Variants in KBTBD7 observed in about 807,000 individuals in gnomAD.
KBTBD7 encodes the protein kelch repeat and BTB domain-containing protein 7.
Under a neutral mutation model 50.3 loss-of-function variants are expected in KBTBD7, and 25 were observed. The observed-to-expected ratio is 0.50, with a 90% CI of 0.36 to 0.69. KBTBD7 has a LOEUF of 0.69. Ranked by LOEUF, KBTBD7 falls within the 30% of genes least tolerant of loss-of-function variation. The pLI, the probability that KBTBD7 is intolerant of heterozygous loss-of-function variation, is 0.00. For missense variants in KBTBD7, 653 were observed against 869.5 expected (o/e 0.75, Z 3.13); for synonymous variants, 305 against 325.3 (o/e 0.94, Z 0.67).
rs1566246857 is a variant in KBTBD7, at chr13:41,192,499, CA to C, written c.1758del (p.Tyr586Ter). The C allele has an allele frequency of 6.2e-7, 1 of 1,614,228 alleles. No homozygotes were observed. The highest frequency in any genetic ancestry group is 8.5e-7 in the Non-Finnish European group (1 of 1,180,016). ...CACTGATCTTCCCTAGTATCATACT[CA>C]TACACTGTCACTCGGTTCTTTTTCC... ...PQWKKNRVTVYEYDTREDQWI... is the reference protein window; with the variant it reads ...PQWKKNRVTVXEYDTREDQWI... On this transcript the variant is annotated frameshift_variant, in exon 1 of 1. Transcript: ENST00000379483. LOFTEE classifies it high-confidence loss of function.
In KBTBD7 at chr13:41,191,552, C is replaced by CTTTTTTTTTTTTTT. The variant is rs1206275963; in HGVS notation, c.*637_*650dup. On this transcript the variant is annotated 3_prime_UTR_variant, in exon 1 of 1. Coordinates refer to ENST00000379483, the MANE Select transcript of KBTBD7 (RefSeq NM_032138.7). The stretch of plus-strand genomic sequence containing the variant: ...TAAAACAGTGGAATCCTGATTTTTT[C>CTTTTTTTTTTTTTT]TTTTTTTTTTTTTTTTTTTTTACTT... 1 of 50,828 alleles carries CTTTTTTTTTTTTTT rather than the reference C, an allele frequency of 2.0e-5. No individual in the cohort carries two copies. Among genetic ancestry groups the CTTTTTTTTTTTTTT allele is most frequent in the Non-Finnish European group, 6.3e-5 (1 of 15,784 alleles). The allele number at this position is 50,828 out of a possible 1,614,324, so 3.1% of individuals were successfully genotyped here.
In KBTBD7 at chr13:41,190,218, AAGTGCAGTACTT is replaced by A. The variant is rs1202011479; in HGVS notation, c.*1973_*1984del. On this transcript the variant is annotated 3_prime_UTR_variant, in exon 1 of 1. Transcript: ENST00000379483. ...CACAATTGAGAAATAGCTTTGTATT[AAGTGCAGTACTT>A]ATAACATCCCTGATGTCAAATGTAC... The A allele has an allele frequency of 6.6e-6, 1 of 152,204 alleles. No individual in the cohort carries two copies. The highest frequency in any genetic ancestry group is 1.5e-5 in the Non-Finnish European group (1 of 68,008). The allele number at this position is 152,204 out of a possible 1,614,324, so 9.4% of individuals were successfully genotyped here. A position where few individuals can be genotyped will look rare whatever the true frequency, so the allele number is the denominator to read the frequency against.
At position 41,193,395 on chromosome 13, in the gene KBTBD7, T is replaced by C; in HGVS notation, c.863A>G (p.Lys288Arg). 6.2e-7 allele frequency: 1 copy of C among 1,613,778 alleles called. No homozygotes were observed. Residue 288 changes from lysine to arginine, a missense_variant, in exon 1 of 1, where the codon AAG becomes AGG. Transcript: ENST00000379483. The surrounding 1 kb of genome is among the most constrained non-coding windows in gnomAD (Gnocchi z 5.7). ...TTCAATAACGTCCAGGCAGTACTTCTTCACGATGGGCTTGGTCAGCAGCCC... is the reference window on the plus strand; with the variant it reads ...TTCAATAACGTCCAGGCAGTACTTCCTCACGATGGGCTTGGTCAGCAGCCC... ...LEGLLTKPIVKKYCLDVIEGA... is the reference protein window; with the variant it reads ...LEGLLTKPIVRKYCLDVIEGA...
In KBTBD7 at chr13:41,193,081, G is replaced by A; in HGVS notation, c.1177C>T (p.His393Tyr). The A allele has an allele frequency of 1.9e-6, 3 of 1,614,212 alleles. No homozygotes were observed. The highest frequency in any genetic ancestry group is 1.7e-6 in the Non-Finnish European group (2 of 1,180,042). ...TSSAVCVSPD[H>Y]DIYLAAQPRK... ...GGCTGAGCAGCTAGATAGATGTCATGGTCTGGGGACACACAGACAGCTGAG... is the reference window on the plus strand; with the variant it reads ...GGCTGAGCAGCTAGATAGATGTCATAGTCTGGGGACACACAGACAGCTGAG... Residue 393 changes from histidine (H) to tyrosine (Y), a missense_variant, in exon 1 of 1, where the codon CAT becomes TAT. Coordinates refer to ENST00000379483, the MANE Select transcript of KBTBD7 (RefSeq NM_032138.7). This position sits in a 1 kb window ranked among gnomAD's most constrained non-coding sequence, Gnocchi z 5.7.
rs1431630045 is a variant in KBTBD7 at position 41,192,896 on chromosome 13, C to A, written c.1362G>T (p.Val454=). 20 of 1,614,100 alleles carry A rather than the reference C, an allele frequency of 1.2e-5. No individual in the cohort carries two copies. Among genetic ancestry groups the A allele is most frequent in the Non-Finnish European group, 1.6e-5 (19 of 1,180,056 alleles). The part of the protein sequence containing the change: ...DPITGVKLKE[V]ECYSVQRNQW... The stretch of plus-strand genomic sequence containing the variant: ...GGTTTCTCTGAACACTGTAGCATTC[C>A]ACTTCCTTCAACTTAACTCCAGTAA... Residue 454 remains valine, a synonymous_variant, in exon 1 of 1, where the codon GTG becomes GTT. Transcript: ENST00000379483.
rs2031439305 is a variant in KBTBD7, at chr13:41,193,289, G to GCTGCTA, written c.963_968dup (p.Ser323_Ser324dup). On this transcript the variant is annotated inframe_insertion, in exon 1 of 1. Coordinates refer to ENST00000379483, the MANE Select transcript of KBTBD7 (RefSeq NM_032138.7). The surrounding 1 kb of genome is among the most constrained non-coding windows in gnomAD (Gnocchi z 5.7). ...CTGCTGCAGATACAAGAGAGTTGCT[G>GCTGCTA]CTGCTACTGCTGCTGCTGCTGTTTG... The GCTGCTA allele has an allele frequency of 6.2e-7, 1 of 1,611,710 alleles. No individual in the cohort carries two copies. Among genetic ancestry groups the GCTGCTA allele is most frequent in the Middle Eastern group, 1.7e-4 (1 of 5,990 alleles).
rs2031412661 is a variant in KBTBD7 at position 41,192,369 on chromosome 13, A to G, written c.1889T>C (p.Ile630Thr). 1 of 1,614,090 alleles carries G rather than the reference A, an allele frequency of 6.2e-7. No homozygotes were observed. The highest frequency in any genetic ancestry group is 1.3e-5 in the African/African-American group (1 of 74,926). ...PSCLEPGQSF[I>T]TEEDDARSES... ...ACTCCGTGCATCATCTTCCTCAGTA[A>G]TAAAACTCTGACCAGGTTCAAGGCA... The change falls in exon 1 of 1, where the codon ATT becomes ACT. Residue 630 changes from isoleucine to threonine, a missense_variant. Transcript: ENST00000379483.
chr13:41,193,368 C>T lies in KBTBD7; in HGVS notation c.890G>A (p.Gly297Glu), dbSNP rs1057313905. The change falls in exon 1 of 1, where the codon GGG becomes GAG. Residue 297 changes from glycine to glutamate, a missense_variant. Gly to Glu is a moderately conservative substitution (Grantham distance 98, BLOSUM62 -2). Transcript: ENST00000379483. This position sits in a 1 kb window ranked among gnomAD's most constrained non-coding sequence, Gnocchi z 5.7. ...GTCACCATAGCGCATCTGCAGGGCCCCTTCAATAACGTCCAGGCAGTACTT... is the reference window on the plus strand; with the variant it reads ...GTCACCATAGCGCATCTGCAGGGCCTCTTCAATAACGTCCAGGCAGTACTT... ...VKKYCLDVIEGALQMRYGDLL... is the reference protein window; with the variant it reads ...VKKYCLDVIEEALQMRYGDLL... The T allele has an allele frequency of 6.2e-7, 1 of 1,612,428 alleles. No individual in the cohort carries two copies. The highest frequency in any genetic ancestry group is 8.5e-7 in the Non-Finnish European group (1 of 1,178,622).
chr13:41,193,030 G>A lies in KBTBD7; in HGVS notation c.1228C>T (p.Pro410Ser). 6.2e-7 allele frequency: 1 copy of A among 1,614,228 alleles called. No individual in the cohort carries two copies. Among genetic ancestry groups the A allele is most frequent in the Admixed American group, 1.7e-5 (1 of 60,034 alleles). The change falls in exon 1 of 1, where the codon CCA becomes TCA. Residue 410 changes from proline to serine, a missense_variant. This residue lies in a region of KBTBD7 where 526 missense variants were observed against 717.1 expected (regional missense o/e 0.73). Transcript: ENST00000379483. This position sits in a 1 kb window ranked among gnomAD's most constrained non-coding sequence, Gnocchi z 5.7. ...QPRKDLWVYK[P>S]AQNSWQQLAD... ...AGTTGCTGCCAACTATTCTGAGCTGGTTTATACACCCAGAGGTCTTTCCTG... is the reference window on the plus strand; with the variant it reads ...AGTTGCTGCCAACTATTCTGAGCTGATTTATACACCCAGAGGTCTTTCCTG...
Position 41,193,468 on chromosome 13 carries a change from A to T in KBTBD7, c.790T>A (p.Cys264Ser). The change falls in exon 1 of 1, where the codon TGC (cysteine) becomes AGC (serine). Residue 264 changes from cysteine (C) to serine (S), a missense_variant. By Grantham distance (112) the Cys-to-Ser change is moderately radical. Around this residue, in one of 3 missense-constraint regions of KBTBD7, gnomAD observed 526 missense variants for 717.1 expected, o/e 0.73. Coordinates refer to ENST00000379483, the MANE Select transcript of KBTBD7 (RefSeq NM_032138.7). This position sits in a 1 kb window ranked among gnomAD's most constrained non-coding sequence, Gnocchi z 5.7. ...TCAGTGAAGTGCATCCAGCGCACGC[A>T]CTTGAAGACTTCTGCAGCACTGGGA... ...RGPSAAEVFK[C>S]VRWMHFTEED... 4 of 1,614,118 alleles carry T rather than the reference A, an allele frequency of 2.5e-6. No individual in the cohort carries two copies. The highest frequency in any genetic ancestry group is 3.4e-6 in the Non-Finnish European group (4 of 1,180,026).
chr13:41,191,080 T>C lies in KBTBD7; in HGVS notation c.*1123A>G, dbSNP rs1181447791. 1 of 152,202 alleles carries C rather than the reference T, an allele frequency of 6.6e-6. No homozygotes were observed. The highest frequency in any genetic ancestry group is 1.5e-5 in the Non-Finnish European group (1 of 68,018). The allele number at this position is 152,202 out of a possible 1,614,324, so 9.4% of individuals were successfully genotyped here. Reference sequence around the variant, plus strand: ...TTCTTGGCTGGCAGTTGATTTTTTTTATAGCTGATAGACACGATAACTACT... The same window carrying C: ...TTCTTGGCTGGCAGTTGATTTTTTTCATAGCTGATAGACACGATAACTACT... On this transcript the variant is annotated 3_prime_UTR_variant, in exon 1 of 1. Transcript: ENST00000379483.
Position 41,193,844 on chromosome 13 carries a change from C to T in KBTBD7, c.414G>A (p.Glu138=), listed in dbSNP as rs945357403. Residue 138 remains glutamate (E), a synonymous_variant, in exon 1 of 1, where the codon GAG becomes GAA. Coordinates refer to ENST00000379483, the MANE Select transcript of KBTBD7 (RefSeq NM_032138.7). The surrounding 1 kb of genome is among the most constrained non-coding windows in gnomAD (Gnocchi z 5.7). ...CCGCGTACAGGCGCTGCACATTGGC[C>T]TCACTGAGAGACACACGACCCGTGT... is the stretch of plus-strand genomic sequence containing the variant. The part of the protein sequence containing the change: ...YCYTGRVSLS[E]ANVQRLYAAS... 5 of 1,614,166 alleles carry T rather than the reference C, an allele frequency of 3.1e-6. No individual in the cohort carries two copies. The highest frequency in any genetic ancestry group is 4.2e-6 in the Non-Finnish European group (5 of 1,180,048).
chr13:41,191,467 A>T lies in KBTBD7; in HGVS notation c.*736T>A, dbSNP rs1414264168. ...AGAATGGGTGTTTTTTGGGATAGAA[A>T]ATTGGTCACATATACCAAATACACA... On this transcript the variant is annotated 3_prime_UTR_variant, in exon 1 of 1. Coordinates refer to ENST00000379483, the MANE Select transcript of KBTBD7 (RefSeq NM_032138.7). 1 of 151,324 alleles carries T rather than the reference A, an allele frequency of 6.6e-6. No homozygotes were observed. Among genetic ancestry groups the T allele is most frequent in the African/African-American group, 2.4e-5 (1 of 41,270 alleles). 9.4% of individuals were successfully genotyped at this position (151,324 alleles called of 1,614,324 possible).
In KBTBD7 at chr13:41,193,901, G is replaced by A. The variant is rs1205126215; in HGVS notation, c.357C>T (p.Ala119=). 1.9e-6 allele frequency: 3 copies of A among 1,614,018 alleles called. No homozygotes were observed. The highest frequency in any genetic ancestry group is 2.7e-5 in the African/African-American group (2 of 75,030). ...QASVTMHDVD[A]ESFEVLVDYC... is the part of the protein sequence containing the mutation. ...AGTCGACCAACACCTCGAAGGACTCGGCGTCCACATCGTGCATGGTCACGC... is the reference window on the plus strand; with the variant it reads ...AGTCGACCAACACCTCGAAGGACTCAGCGTCCACATCGTGCATGGTCACGC... The change falls in exon 1 of 1, where the codon GCC becomes GCT. Residue 119 remains alanine, a synonymous_variant. Transcript: ENST00000379483. The surrounding 1 kb of genome is among the most constrained non-coding windows in gnomAD (Gnocchi z 5.7).
Position 41,192,218 on chromosome 13 carries a change from C to T in KBTBD7, c.2040G>A (p.Gln680=). ...QVAPQRNAQD[Q]QGSL is the part of the protein sequence containing the mutation. ...AAAATACTATTTACAAAGAACCCTG[C>T]TGATCCTGTGCATTTCGCTGAGGTG... is the stretch of plus-strand genomic sequence containing the variant. The change falls in exon 1 of 1, where the codon CAG becomes CAA. Residue 680 remains glutamine (Q), a synonymous_variant. Coordinates refer to ENST00000379483, the MANE Select transcript of KBTBD7 (RefSeq NM_032138.7). 2 of 1,612,392 alleles carry T rather than the reference C, an allele frequency of 1.2e-6. No individual in the cohort carries two copies. The highest frequency in any genetic ancestry group is 1.7e-6 in the Non-Finnish European group (2 of 1,179,048).
In KBTBD7 at chr13:41,194,034, C is replaced by T. The variant is rs745598278; in HGVS notation, c.224G>A (p.Gly75Glu). The change falls in exon 1 of 1, where the codon GGG (glycine) becomes GAG (glutamate). Residue 75 changes from glycine (G) to glutamate (E), a missense_variant. Around this residue, in one of 3 missense-constraint regions of KBTBD7, gnomAD observed 119 missense variants for 125.0 expected, o/e 0.95. Transcript: ENST00000379483. ...GGAAAAGAGGCGACCCGTGCCAGGCCCGCTGCCAGGCGTCACCACCTCGAT... is the reference window on the plus strand; with the variant it reads ...GGAAAAGAGGCGACCCGTGCCAGGCTCGCTGCCAGGCGTCACCACCTCGAT... ...VTIEVVTPGS[G>E]PGTGRLFSCN... is the part of the protein sequence containing the mutation. 1.2e-5 allele frequency: 19 copies of T among 1,614,232 alleles called. No individual in the cohort carries two copies. The South Asian group carries it at 2.1e-4, about 18-fold the overall frequency.
rs1231923484 is a variant in KBTBD7, at chr13:41,190,095, A to C, written c.*2108T>G. ...GCATACCTTAATTCTGCAGATGGAT[A>C]ATCTGGTTGAGATAAGCATTGCCAT... On this transcript the variant is annotated 3_prime_UTR_variant, in exon 1 of 1. Coordinates refer to ENST00000379483, the MANE Select transcript of KBTBD7 (RefSeq NM_032138.7). The C allele has an allele frequency of 1.3e-5, 2 of 152,232 alleles. No homozygotes were observed. The highest frequency in any genetic ancestry group is 2.9e-5 in the Non-Finnish European group (2 of 68,032). 9.4% of individuals were successfully genotyped at this position (152,232 alleles called of 1,614,324 possible).
In KBTBD7 at chr13:41,190,163, A is replaced by T. The variant is rs1285597176; in HGVS notation, c.*2040T>A. The stretch of plus-strand genomic sequence containing the variant: ...ACAAAAAGCTACCAACAAGAAGTTA[A>T]TGGTGAAGAAAAATTTGTCTCAAAA... On this transcript the variant is annotated 3_prime_UTR_variant, in exon 1 of 1. Transcript: ENST00000379483. 1 of 152,232 alleles carries T rather than the reference A, an allele frequency of 6.6e-6. No homozygotes were observed. The highest frequency in any genetic ancestry group is 2.4e-5 in the African/African-American group (1 of 41,478). The allele number at this position is 152,232 out of a possible 1,614,324, so 9.4% of individuals were successfully genotyped here.
In KBTBD7 at chr13:41,194,242, C is replaced by T; in HGVS notation, c.16G>A (p.Asp6Asn). 6.2e-7 allele frequency: 1 copy of T among 1,613,930 alleles called. No individual in the cohort carries two copies. Among genetic ancestry groups the T allele is most frequent in the Non-Finnish European group, 8.5e-7 (1 of 1,179,942 alleles). ...GCGAGGCGGCGAGAGCGCGGGACGT[C>T]TTCCCGGGACTGCATGGTGGAGATG... Reference protein sequence around the residue: MQSREDVPRSRRLASP... With the variant: MQSRENVPRSRRLASP... Residue 6 changes from aspartate (D) to asparagine (N), a missense_variant, in exon 1 of 1, where the codon GAC becomes AAC. By Grantham distance (23) the Asp-to-Asn change is conservative. Coordinates refer to ENST00000379483, the MANE Select transcript of KBTBD7 (RefSeq NM_032138.7).
Sources: allele counts gnomAD v4.1 joint callset, GRCh38; gene constraint gnomAD v4.1.1; regional missense constraint gnomAD v4.1.1; non-coding constraint Gnocchi (gnomAD v3.1); transcripts MANE v1.5; gene names NCBI Gene and HGNC (gene_info 2026-07-23, HGNC 2026-07-21).